Variants in EXT1 observed in about 807,000 individuals in gnomAD.
The protein encoded by EXT1 is exostosin-1.
EXT1 carries 20 observed loss-of-function variants against 82.5 expected under a neutral mutation model. The ratio of observed to expected loss-of-function variants is 0.24; its 90% CI spans 0.17 to 0.35. The LOEUF (loss-of-function observed/expected upper bound fraction) is 0.35. Ranked by LOEUF, EXT1 falls within the 10% of genes least tolerant of loss-of-function variation. The probability of loss-of-function intolerance (pLI) is 1.00; values close to 1 mark genes in which losing one functional copy is unlikely to be tolerated. For missense variants in EXT1, 757 were observed against 936.5 expected, an observed-to-expected ratio of 0.81 and a Z score of 2.50; for synonymous variants, 348 against 350.8, an observed-to-expected ratio of 0.99 and a Z score of 0.09.
intron 2 of EXT1, among the ~76,000 whole-genome samples, chr8:117,835,868 C>A (rs1812181085): frequency 6.6e-6 from 1 of 152,144 alleles, no homozygotes; most frequent in Admixed American, 6.5e-5. Flanking sequence ...ATTGACGTAA[C>A]AAAAGCTCGC....
chr8:118,083,570 C>G (rs997753701), intron 1 of EXT1, among the ~76,000 whole-genome samples: 1 of 152,156 alleles, frequency 6.6e-6, no homozygotes, highest in Non-Finnish European at 1.5e-5. Context: ...ACCTCAACAC[C>G]TCTCTTCCTA....
At chr8:118,001,297 G>A (rs755832163) in intron 1 of EXT1, among the ~76,000 whole-genome samples, 17 of 151,938 alleles carry the variant, frequency 1.1e-4, no homozygotes, top group Non-Finnish European at 2.1e-4. Context: ...GGCAATTCTC[G>A]TGCCTCAGCC....
intron 1 of EXT1, among the ~76,000 whole-genome samples, chr8:118,048,895 A>G (rs1816672512): frequency 6.6e-6 from 1 of 152,212 alleles, no homozygotes; most frequent in Non-Finnish European, 1.5e-5. Flanking sequence ...TCCAATGGCA[A>G]GCTACACAAA....
chr8:117,947,179 G>A (rs1687170777), intron 1 of EXT1, among the ~76,000 whole-genome samples: 1 of 152,072 alleles, frequency 6.6e-6, no homozygotes, highest in Non-Finnish European at 1.5e-5. Flanking sequence ...CACTCTTGTG[G>A]GTAAATACAC....
chr8:118,006,033 C>T (rs1048008648), intron 1 of EXT1, among the ~76,000 whole-genome samples: 1 of 152,188 alleles, frequency 6.6e-6, no homozygotes. Context: ...TTAACATGAA[C>T]TTGAGGTGTG....
In EXT1 at chr8:117,837,144, G is replaced by A. The variant is rs886038242; in HGVS notation, c.1020C>T (p.Arg340=). The A allele has an allele frequency of 6.2e-7, 1 of 1,613,924 alleles. No individual in the cohort carries two copies. The highest frequency in any genetic ancestry group is 8.5e-7 in the Non-Finnish European group (1 of 1,179,982). Residue 340 remains arginine (R), a synonymous_variant, in exon 2 of 11, where the codon CGC becomes CGT. Transcript: ENST00000378204. ...CCAGGAATCTGAAGGACCCAAGCCT[G>A]CGACCACGAGGAACCAGACAGAAAG... ...NATFCLVPRG[R]RLGSFRFLEA...
chr8:117,973,196 C>G (rs985494585), intron 1 of EXT1, among the ~76,000 whole-genome samples: 2 of 152,152 alleles, frequency 1.3e-5, no homozygotes, highest in African/African-American at 4.8e-5. Flanking sequence ...ATGTGGGCAT[C>G]CTCATGAAAC....
intron 1 of EXT1, among the ~76,000 whole-genome samples, chr8:117,878,888 G>T (rs143844194): frequency 1.3e-5 from 2 of 152,334 alleles, no homozygotes; most frequent in African/African-American, 4.8e-5. Flanking sequence ...CACATCCATT[G>T]AGGGTTGGCT....
At position 117,836,314 on chromosome 8, in the gene EXT1, G is replaced by C. The variant is rs148605070; in HGVS notation, c.1057-763C>G. On this transcript the variant is annotated intron_variant, in intron 2 of 10. Transcript: ENST00000378204. ...CACACACAGAGAGCAACTTGGAAAAGACATTCCAGAGAAGGAAGCTCTTCT... is the reference window on the plus strand; with the variant it reads ...CACACACAGAGAGCAACTTGGAAAACACATTCCAGAGAAGGAAGCTCTTCT... Among the ~76,000 whole-genome samples the C allele has an allele frequency of 2.0e-5, 3 of 152,286 alleles. No homozygotes were observed. In the East Asian group the frequency reaches 5.8e-4, roughly 29 times the overall value.
At chr8:117,823,519 G>GA (rs1208766266) in intron 4 of EXT1, among the ~76,000 whole-genome samples, 1 of 147,294 alleles carries the variant, frequency 6.8e-6, no homozygotes, top group African/African-American at 2.5e-5. Flanking sequence ...AAAAAAAAAA[G>GA]AAAAAAATCC....
At chr8:117,946,860 C>T (rs1165423589) in intron 1 of EXT1, among the ~76,000 whole-genome samples, 1 of 152,178 alleles carries the variant, frequency 6.6e-6, no homozygotes, top group Non-Finnish European at 1.5e-5. Flanking sequence ...ACAGAATTGA[C>T]TTCTGGCTTC....
intron 1 of EXT1, among the ~76,000 whole-genome samples, chr8:117,959,071 A>C (rs1232151745): frequency 6.6e-6 from 1 of 152,226 alleles, no homozygotes; most frequent in Non-Finnish European, 1.5e-5. Context: ...TAGGAGGTCC[A>C]ACTCCACACT....
At chr8:117,885,606 G>A (rs1340109575) in intron 1 of EXT1, among the ~76,000 whole-genome samples, 1 of 151,836 alleles carries the variant, frequency 6.6e-6, no homozygotes, top group Non-Finnish European at 1.5e-5. Flanking sequence ...CATACCATTA[G>A]AGGAGGGGAA....
chr8:117,908,435 G>T (rs1418871963), intron 1 of EXT1, among the ~76,000 whole-genome samples: 1 of 152,016 alleles, frequency 6.6e-6, no homozygotes, highest in African/African-American at 2.4e-5. Context: ...TTCAAGACCA[G>T]CCTGGGCAAC....
intron 1 of EXT1, among the ~76,000 whole-genome samples, chr8:117,884,270 T>G (rs1380107630): frequency 6.6e-6 from 1 of 152,210 alleles, no homozygotes; most frequent in Non-Finnish European, 1.5e-5. Context: ...AGAAAGAGTC[T>G]TCCATTCCCA....
At chr8:117,996,682 C>A (rs1184288176) in intron 1 of EXT1, among the ~76,000 whole-genome samples, 2 of 152,162 alleles carry the variant, frequency 1.3e-5, no homozygotes, top group African/African-American at 2.4e-5. Flanking sequence ...GAAAAATAAT[C>A]TTTCATATTA....
At chr8:118,064,000 G>C (rs1475328759) in intron 1 of EXT1, among the ~76,000 whole-genome samples, 1 of 152,000 alleles carries the variant, frequency 6.6e-6, no homozygotes, top group African/African-American at 2.4e-5. Flanking sequence ...CCGAGTAGGT[G>C]GTATTATAGA....
chr8:117,923,675 G>A (rs1055940961), intron 1 of EXT1, among the ~76,000 whole-genome samples: 5 of 150,652 alleles, frequency 3.3e-5, no homozygotes, highest in South Asian at 2.1e-4. Context: ...GCAGTAAGCC[G>A]AGATCGTGCC....
At chr8:117,885,496 A>G (rs1813132491) in intron 1 of EXT1, among the ~76,000 whole-genome samples, 1 of 15,950 alleles carries the variant, frequency 6.3e-5, no homozygotes, top group Admixed American at 1.6e-3. Context: ...GTAACAGACA[A>G]AAAAAAAAAA....
Sources: gnomAD v4.1 joint callset for allele counts (sites outside exome capture counted in the v4.1 genomes callset) on GRCh38, gnomAD v4.1.1 for gene constraint, MANE v1.5 for transcripts, NCBI Gene and HGNC (gene_info 2026-07-23, HGNC 2026-07-21) for gene names.